The following CACNA2D1 variants were observed in gnomAD, a reference collection of about 807,000 sequenced individuals.
CACNA2D1 encodes the protein calcium voltage-gated channel auxiliary subunit alpha2delta 1.
In CACNA2D1, 53 loss-of-function variants were observed where a neutral mutation model predicts 171.5. The ratio of observed to expected loss-of-function variants is 0.31; its 90% confidence interval spans 0.25 to 0.39. CACNA2D1 has a LOEUF of 0.39. Among genes scored for constraint, CACNA2D1 ranks in the 10% least tolerant of loss-of-function variants. The probability of loss-of-function intolerance (pLI) is 1.00; values close to 1 mark genes in which losing one functional copy is unlikely to be tolerated. For synonymous variants in CACNA2D1, 442 were observed against 443.1 expected, an observed-to-expected ratio of 1.00 and a Z score of 0.03; for missense variants, 903 against 1,299.8, an observed-to-expected ratio of 0.69 and a Z score of 4.69.
At chr7:82,395,718 T>G (rs990602469) in intron 1 of CACNA2D1, among the ~76,000 whole-genome samples, 2 of 152,176 alleles carry the variant, frequency 1.3e-5, no homozygotes, top group Non-Finnish European at 2.9e-5. Flanking sequence ...CTACCTGCAT[T>G]TATAATACAA....
chr7:82,059,239 G>A (rs1220190514), intron 10 of CACNA2D1, among the ~76,000 whole-genome samples: 2 of 151,960 alleles, frequency 1.3e-5, no homozygotes, highest in African/African-American at 4.8e-5. Context: ...CCAGAAAATG[G>A]CCATGAAATA....
intron 1 of CACNA2D1, among the ~76,000 whole-genome samples, chr7:82,440,266 C>T (rs996230851): frequency 4.6e-5 from 7 of 151,766 alleles, no homozygotes; most frequent in African/African-American, 1.4e-4. Context: ...ACAGTTATAA[C>T]TATATATTTT....
chr7:82,261,130 T>G (rs752939416), intron 3 of CACNA2D1, among the ~76,000 whole-genome samples: 1 of 152,102 alleles, frequency 6.6e-6, no homozygotes, highest in Non-Finnish European at 1.5e-5. Context: ...AAATTTTGTA[T>G]TTTTAGTAGA....
chr7:81,991,863 A>T (rs1302837399), intron 20 of CACNA2D1, among the ~76,000 whole-genome samples: 1 of 150,042 alleles, frequency 6.7e-6, no homozygotes. Context: ...TAGACGGAGT[A>T]TCGCTCTGTC....
intron 1 of CACNA2D1, among the ~76,000 whole-genome samples, chr7:82,421,308 T>C (rs1018363300): frequency 2.3e-4 from 35 of 152,210 alleles, no homozygotes; most frequent in African/African-American, 7.5e-4. Flanking sequence ...GAAACAGTGT[T>C]TGACAGTAGC....
chr7:82,375,944 C>T (rs557846322), intron 1 of CACNA2D1, among the ~76,000 whole-genome samples: 39 of 152,226 alleles, frequency 2.6e-4, no homozygotes, highest in Non-Finnish European at 5.1e-4. Flanking sequence ...AACAAGACCA[C>T]GTGTCACTGT....
chr7:82,416,261 TA>T (rs1433533534), intron 1 of CACNA2D1, among the ~76,000 whole-genome samples: 1 of 151,984 alleles, frequency 6.6e-6, no homozygotes, highest in African/African-American at 2.4e-5. Context: ...AAATCTCATT[TA>T]AAATGTAATC....
chr7:82,323,973 T>G (rs936635530), intron 3 of CACNA2D1, among the ~76,000 whole-genome samples: 1 of 152,202 alleles, frequency 6.6e-6, no homozygotes, highest in Non-Finnish European at 1.5e-5. Context: ...TTTTCAAAAG[T>G]GCCTTTGTTC....
At chr7:82,233,007 C>T (rs1035439797) in intron 3 of CACNA2D1, among the ~76,000 whole-genome samples, 2 of 151,750 alleles carry the variant, frequency 1.3e-5, no homozygotes, top group Admixed American at 1.3e-4. Context: ...TCCAGGATTG[C>T]CTTCAAGCAG....
chr7:82,413,176 A>T (rs1337953253), intron 1 of CACNA2D1, among the ~76,000 whole-genome samples: 2 of 152,156 alleles, frequency 1.3e-5, no homozygotes, highest in Non-Finnish European at 2.9e-5. Context: ...AACATTTCTT[A>T]GTCAATCGCT....
In CACNA2D1 at chr7:82,280,453, T is replaced by G. The variant is rs77300393; in HGVS notation, c.294+54682A>C. On this transcript the variant is annotated intron_variant, in intron 3 of 38. Coordinates refer to ENST00000356860, the MANE Select transcript of CACNA2D1 (RefSeq NM_000722.4). Reference sequence around the variant, plus strand: ...AATATCTTCCCAAATGACACTTTGATGTGTGCCATCTTAATATATCCTGAA... The same window carrying G: ...AATATCTTCCCAAATGACACTTTGAGGTGTGCCATCTTAATATATCCTGAA... Among the ~76,000 whole-genome samples the G allele has an allele frequency of 8.3e-3, 1,260 of 152,350 alleles. 4 individuals are homozygous for G. The highest frequency in any genetic ancestry group is 0.012 in the Non-Finnish European group (805 of 68,038).
intron 3 of CACNA2D1, among the ~76,000 whole-genome samples, chr7:82,180,700 G>A (rs1387546849): frequency 1.3e-4 from 20 of 152,156 alleles, no homozygotes; most frequent in Non-Finnish European, 2.8e-4. Flanking sequence ...CAATGTGGAG[G>A]TGAAACTAAA....
chr7:81,993,621 AAT>A (rs1368854080), intron 20 of CACNA2D1, among the ~76,000 whole-genome samples: 6 of 152,172 alleles, frequency 3.9e-5, no homozygotes, highest in Admixed American at 6.5e-5. Context: ...TAAAATAGTG[AAT>A]AGTGATAAAA....
rs16887234 is a variant in CACNA2D1 at position 82,335,553 on chromosome 7, T to C, written c.178-302A>G. 8.7e-3 allele frequency among the ~76,000 whole-genome samples: 1,324 copies of C among 152,256 alleles called. 28 individuals carry two copies. In the South Asian group the frequency reaches 0.095, roughly 11 times the overall value. ...ACTCTCCAATCTCGAAACTGGGTATTATCTGTCATCAGCATCGTAAGAGAA... is the reference window on the plus strand; with the variant it reads ...ACTCTCCAATCTCGAAACTGGGTATCATCTGTCATCAGCATCGTAAGAGAA... On this transcript the variant is annotated intron_variant, in intron 2 of 38. Coordinates refer to ENST00000356860, the MANE Select transcript of CACNA2D1 (RefSeq NM_000722.4).
intron 4 of CACNA2D1, among the ~76,000 whole-genome samples, chr7:82,146,311 CGT>C (rs113820868): frequency 8.2e-5 from 11 of 134,620 alleles, no homozygotes; most frequent in Admixed American, 3.0e-4. Context: ...TATATATATA[CGT>C]GTGTGTGTGT....
intron 10 of CACNA2D1, among the ~76,000 whole-genome samples, chr7:82,038,935 C>T (rs1005315131): frequency 3.9e-5 from 6 of 152,082 alleles, no homozygotes; most frequent in Non-Finnish European, 7.4e-5. Context: ...AAAGTAACTT[C>T]GTCAACCCCA....
chr7:82,026,992 T>C (rs748819864), intron 12 of CACNA2D1, among the ~76,000 whole-genome samples: 3 of 151,666 alleles, frequency 2.0e-5, no homozygotes, highest in Non-Finnish European at 3.0e-5. Flanking sequence ...TTGTGGGATC[T>C]AAAGATCAAA....
intron 3 of CACNA2D1, among the ~76,000 whole-genome samples, chr7:82,323,693 G>A (rs1477234919): frequency 2.0e-5 from 3 of 152,166 alleles, no homozygotes; most frequent in African/African-American, 4.8e-5. Flanking sequence ...AGCCACTTGA[G>A]CTAATTCTCA....
intron 2 of CACNA2D1, among the ~76,000 whole-genome samples, chr7:82,347,741 A>G (rs1488591126): frequency 1.3e-5 from 2 of 152,126 alleles, no homozygotes; most frequent in African/African-American, 4.8e-5. Context: ...TTATTCATTA[A>G]TTTGGAATTT....
Sources: gnomAD v4.1 joint callset for allele counts (sites outside exome capture counted in the v4.1 genomes callset) on GRCh38, gnomAD v4.1.1 for gene constraint, MANE v1.5 for transcripts, NCBI Gene and HGNC (gene_info 2026-07-23, HGNC 2026-07-21) for gene names.